Variants in RAMP1 observed in about 807,000 individuals in gnomAD.
RAMP1 encodes the protein receptor activity-modifying protein 1.
Under a neutral mutation model 8.2 loss-of-function variants are expected in RAMP1, and 7 were observed. The ratio of observed to expected loss-of-function variants is 0.85; its 90% confidence interval spans 0.49 to 1.60. The LOEUF (loss-of-function observed/expected upper bound fraction) is 1.60, where lower values mean the gene tolerates loss of function less well. Among genes scored for constraint, RAMP1 ranks in the 40% most tolerant of loss-of-function variants. The probability of loss-of-function intolerance (pLI) is 0.00; values close to 1 mark genes in which losing one functional copy is unlikely to be tolerated. For missense variants in RAMP1, 192 were observed against 202.4 expected, an observed-to-expected ratio of 0.95 and a Z score of 0.31; for synonymous variants, 92 against 84.7, an observed-to-expected ratio of 1.09 and a Z score of -0.47.
At chr2:237,893,947 A>G (rs1428621572) in intron 2 of RAMP1, among the ~76,000 whole-genome samples, 1 of 150,870 alleles carries the variant, frequency 6.6e-6, no homozygotes, top group Admixed American at 6.7e-5. Flanking sequence ...TCTCAAAAAA[A>G]TAAGTAAAAA....
intron 2 of RAMP1, among the ~76,000 whole-genome samples, chr2:237,885,773 C>A (rs2062422583): frequency 6.6e-6 from 1 of 152,238 alleles, no homozygotes; most frequent in African/African-American, 2.4e-5. Context: ...GTGAGGAAAG[C>A]CCTGGCTAGA....
At chr2:237,909,300 C>T (rs1376166696) in intron 2 of RAMP1, among the ~76,000 whole-genome samples, 1 of 152,214 alleles carries the variant, frequency 6.6e-6, no homozygotes, top group Non-Finnish European at 1.5e-5. Flanking sequence ...TCCCTGTCTA[C>T]AAAACAATGG....
chr2:237,886,099 C>T (rs2062429868), intron 2 of RAMP1, among the ~76,000 whole-genome samples: 1 of 152,164 alleles, frequency 6.6e-6, no homozygotes, highest in African/African-American at 2.4e-5. Flanking sequence ...CTGTGGCCTG[C>T]GCAGGCATCA....
rs796389016 is a variant in RAMP1 at position 237,898,346 on chromosome 2, C to T, written c.192-13182C>T. 3.3e-5 allele frequency among the ~76,000 whole-genome samples: 5 copies of T among 152,316 alleles called. No individual in the cohort carries two copies. The South Asian group carries it at 6.2e-4, about 19-fold the overall frequency. Reference sequence around the variant, plus strand: ...AGGCATCCCTGGGCTGGCACAGGTACATAGGACTTCTAATGCTTGGCCTTT... The same window carrying T: ...AGGCATCCCTGGGCTGGCACAGGTATATAGGACTTCTAATGCTTGGCCTTT... On this transcript the variant is annotated intron_variant, in intron 2 of 2. Coordinates refer to ENST00000254661, the MANE Select transcript of RAMP1 (RefSeq NM_005855.4).
Position 237,883,825 on chromosome 2 carries a change from AAAAAAG to A in RAMP1, c.191+6468_191+6473del, listed in dbSNP as rs1230632272. On this transcript the variant is annotated intron_variant, in intron 2 of 2. Transcript: ENST00000254661. ...GAACCAGACCCTACCTCAAAAAAAA[AAAAAAG>A]AAAAGAAAAGAAAAAAAAAAAAGAG... Among the ~76,000 whole-genome samples, 3 of 150,376 alleles carry A rather than the reference AAAAAAG, an allele frequency of 2.0e-5. 1 individual carries two copies. The highest frequency in any genetic ancestry group is 4.9e-5 in the African/African-American group (2 of 41,012).
intron 2 of RAMP1, among the ~76,000 whole-genome samples, chr2:237,889,167 T>C (rs302676): frequency 0.23 from 35,354 of 152,146 alleles, 5,117 homozygotes; most frequent in African/African-American, 0.4. Context: ...CACACTGTCG[T>C]TCATTAGCTA....
At chr2:237,905,592 C>T (rs1287858757) in intron 2 of RAMP1, among the ~76,000 whole-genome samples, 1 of 152,224 alleles carries the variant, frequency 6.6e-6, no homozygotes, top group Non-Finnish European at 1.5e-5. Context: ...AATGCCACAG[C>T]TCCGCTCCTC....
chr2:237,901,186 C>T (rs1048315380), intron 2 of RAMP1, among the ~76,000 whole-genome samples: 4 of 152,244 alleles, frequency 2.6e-5, no homozygotes, highest in Non-Finnish European at 2.9e-5. Context: ...CTTCTGTCTG[C>T]GTCTCCTGGG....
chr2:237,900,724 A>G (rs2062588524), intron 2 of RAMP1, among the ~76,000 whole-genome samples: 1 of 152,200 alleles, frequency 6.6e-6, no homozygotes, highest in Non-Finnish European at 1.5e-5. Flanking sequence ...CTTCGAAATT[A>G]TATAAATGAT....
rs2062332642 is a variant in RAMP1 at position 237,878,477 on chromosome 2, G to A, written c.191+1115G>A. The stretch of plus-strand genomic sequence containing the variant: ...TCCCCTGTGGGTTGCAGGCTGGCGT[G>A]AGCACAGGGAGAAAGCCCACGGCTG... On this transcript the variant is annotated intron_variant, in intron 2 of 2. Transcript: ENST00000254661. This position sits in a 1 kb window ranked among gnomAD's most constrained non-coding sequence, Gnocchi z 5.7. Among the ~76,000 whole-genome samples the A allele has an allele frequency of 6.6e-6, 1 of 152,258 alleles. No individual in the cohort carries two copies. Among genetic ancestry groups the A allele is most frequent in the Non-Finnish European group, 1.5e-5 (1 of 68,052 alleles).
At chr2:237,897,324 C>T (rs1174133096) in intron 2 of RAMP1, among the ~76,000 whole-genome samples, 1 of 152,202 alleles carries the variant, frequency 6.6e-6, no homozygotes, top group Non-Finnish European at 1.5e-5. Flanking sequence ...CAGGTGGTCC[C>T]GTGTCTGCCT....
intron 2 of RAMP1, among the ~76,000 whole-genome samples, chr2:237,895,411 C>A (rs1054650081): frequency 6.6e-6 from 1 of 152,176 alleles, no homozygotes; most frequent in African/African-American, 2.4e-5. Context: ...GGCTCCGTAA[C>A]TGCCAACTCC....
At chr2:237,860,993 A>AT (rs1324221081) in intron 1 of RAMP1, among the ~76,000 whole-genome samples, 1 of 152,172 alleles carries the variant, frequency 6.6e-6, no homozygotes, top group Non-Finnish European at 1.5e-5. Context: ...TCTCGCAGTA[A>AT]TTTTATTCTC....
At chr2:237,872,087 G>T (rs766014092) in intron 1 of RAMP1, among the ~76,000 whole-genome samples, 1 of 152,206 alleles carries the variant, frequency 6.6e-6, no homozygotes, top group African/African-American at 2.4e-5. Context: ...TCCTGCGATG[G>T]TATCGTCCAT....
chr2:237,861,318 C>T (rs1302935090), intron 1 of RAMP1, among the ~76,000 whole-genome samples: 2 of 152,074 alleles, frequency 1.3e-5, no homozygotes, highest in East Asian at 3.9e-4. Flanking sequence ...ACAAACAAAA[C>T]TTTATGAGGT....
intron 2 of RAMP1, among the ~76,000 whole-genome samples, chr2:237,893,419 G>A (rs1240299052): frequency 3.9e-5 from 6 of 152,122 alleles, no homozygotes; most frequent in African/African-American, 1.4e-4. Flanking sequence ...CTTTCTCCAG[G>A]ACCGGACACT....
chr2:237,874,067 A>G (rs888873307), intron 1 of RAMP1, among the ~76,000 whole-genome samples: 2 of 152,336 alleles, frequency 1.3e-5, no homozygotes, highest in Admixed American at 1.3e-4. Context: ...TGGGGGATGC[A>G]GCATCCAGGA....
intron 2 of RAMP1, among the ~76,000 whole-genome samples, chr2:237,903,604 A>C (rs74838330): frequency 0.015 from 2,238 of 151,136 alleles, 24 homozygotes; most frequent in Middle Eastern, 0.027. Flanking sequence ...CTGCAGCCTC[A>C]ATCTCCCACC....
intron 2 of RAMP1, among the ~76,000 whole-genome samples, chr2:237,883,808 C>A (rs1158232115): frequency 2.8e-5 from 4 of 145,070 alleles, no homozygotes; most frequent in Non-Finnish European, 6.0e-5. Flanking sequence ...TAGAACCAGA[C>A]CCTACCTCAA....
Sources: allele counts gnomAD v4.1 joint callset (sites outside exome capture counted in the v4.1 genomes callset), GRCh38; gene constraint gnomAD v4.1.1; non-coding constraint Gnocchi (gnomAD v3.1); transcripts MANE v1.5; gene names NCBI Gene and HGNC (gene_info 2026-07-23, HGNC 2026-07-21).